The following XPO4 variants were observed in gnomAD, a reference collection of about 807,000 sequenced individuals.
The protein encoded by XPO4 is exportin 4, also known as exportin-4.
A neutral mutation model predicts 143.0 loss-of-function variants in XPO4; 39 were observed. The ratio of observed to expected loss-of-function variants is 0.27; its 90% CI spans 0.21 to 0.36. The LOEUF is 0.36. Among genes scored for constraint, XPO4 ranks in the 10% least tolerant of loss-of-function variants. The pLI is 1.00. For missense variants in XPO4, 907 were observed against 1,348.0 expected (o/e 0.67, Z 5.12); for synonymous variants, 439 against 474.0 (o/e 0.93, Z 0.96).
intron 16 of XPO4, among the ~76,000 whole-genome samples, chr13:20,798,373 T>C (rs920470165): frequency 1.3e-5 from 2 of 152,164 alleles, no homozygotes; most frequent in South Asian, 2.1e-4. Flanking sequence ...TTTTCCCTCA[T>C]AGCCTTCAGA....
intron 1 of XPO4, among the ~76,000 whole-genome samples, chr13:20,879,634 TCAGA>T (rs372792300): frequency 3.9e-5 from 6 of 152,122 alleles, no homozygotes; most frequent in African/African-American, 1.4e-4. Flanking sequence ...AATTAAAGAA[TCAGA>T]CAAACGAAAC....
rs118186866 is a variant in XPO4, at chr13:20,845,155, G to C, written c.457-1269C>G. Among the ~76,000 whole-genome samples the C allele has an allele frequency of 4.4e-3, 673 of 152,366 alleles. 4 individuals carry two copies. The highest frequency in any genetic ancestry group is 7.4e-3 in the Non-Finnish European group (503 of 68,036). On this transcript the variant is annotated intron_variant, in intron 4 of 22. Transcript: ENST00000255305. ...CCACTACACTCCAGCCTGGGCAACA[G>C]AGTAAGACTAAGTCTCAAAGAAAAA...
chr13:20,824,730 C>T lies in XPO4; in HGVS notation c.840+2337G>A, dbSNP rs145282560. Among the ~76,000 whole-genome samples, 120 of 152,018 alleles carry T rather than the reference C, an allele frequency of 7.9e-4. 1 individual carries two copies. The highest frequency in any genetic ancestry group is 2.9e-3 in the African/African-American group (119 of 41,476). On this transcript the variant is annotated intron_variant, in intron 7 of 22. Transcript: ENST00000255305. ...TCACCACCTGAATATGGAAAAGGGA[C>T]AGAGGGATAAGGGAAAGCAAAGCCC...
At chr13:20,901,921 C>T (rs1204279470) in intron 1 of XPO4, among the ~76,000 whole-genome samples, 1 of 152,250 alleles carries the variant, frequency 6.6e-6, no homozygotes, top group Admixed American at 6.5e-5. Flanking sequence ...CCTTACTTCT[C>T]CTCCTTGCAT....
At chr13:20,890,172 G>A (rs926133417) in intron 1 of XPO4, among the ~76,000 whole-genome samples, 1 of 152,188 alleles carries the variant, frequency 6.6e-6, no homozygotes, top group Non-Finnish European at 1.5e-5. Flanking sequence ...TCAGGAGCTG[G>A]GCACGGTGGC....
chr13:20,787,813 G>A (rs2059226127), intron 20 of XPO4, among the ~76,000 whole-genome samples: 1 of 152,126 alleles, frequency 6.6e-6, no homozygotes, highest in Non-Finnish European at 1.5e-5. Context: ...TGAGCCTGGT[G>A]ATGTATAGCT....
rs1272577863 is a variant in XPO4 at position 20,783,120 on chromosome 13, T to G, written c.*602A>C. 6.6e-6 allele frequency: 1 copy of G among 152,244 alleles called. No homozygotes were observed. The highest frequency in any genetic ancestry group is 1.5e-5 in the Non-Finnish European group (1 of 68,062). The allele number at this position is 152,244 out of a possible 1,614,324, so 9.4% of individuals were successfully genotyped here. A position where few individuals can be genotyped will look rare whatever the true frequency, so the allele number is the denominator to read the frequency against. On this transcript the variant is annotated 3_prime_UTR_variant, in exon 23 of 23. Transcript: ENST00000255305. ...CCCAATCATCAAAGGGAGGAAAAGC[T>G]AGAAAGCACAAAACCTCTTAAGAGT...
In XPO4 at chr13:20,892,036, G is replaced by GTT. The variant is rs201710562; in HGVS notation, c.69+10632_69+10633dup. On this transcript the variant is annotated intron_variant, in intron 1 of 22. Transcript: ENST00000255305. ...GACAAGTTTTTTTTTGTTTTGTTTT[G>GTT]TTTTTTTTTTTCGAGATGGAGTTTT... 2.0e-4 allele frequency among the ~76,000 whole-genome samples: 29 copies of GTT among 145,116 alleles called. No homozygotes were observed. The South Asian group carries it at 2.6e-3, about 13-fold the overall frequency.
rs2060061196 is a variant in XPO4, at chr13:20,849,385, A to C, written c.457-5499T>G. ...AAAGGAGACTTAAATGCTAAATTAA[A>C]CAGCTTTAAAGTGATTTAACGTATG... On this transcript the variant is annotated intron_variant, in intron 4 of 22. Coordinates refer to ENST00000255305, the MANE Select transcript of XPO4 (RefSeq NM_022459.5). The C allele has an allele frequency of 3.0e-6, 3 of 985,118 alleles. No individual in the cohort carries two copies. In the Admixed American group the frequency reaches 1.8e-4, roughly 61 times the overall value. 61.0% of individuals were successfully genotyped at this position (985,118 alleles called of 1,614,324 possible).
At chr13:20,855,461 G>GAAAAAAAAAAAAAAAAAAAAA (rs66665772) in intron 4 of XPO4, among the ~76,000 whole-genome samples, 166 bp downstream of exon 4, 1 of 122,598 alleles carries the variant, frequency 8.2e-6, no homozygotes, top group African/African-American at 2.9e-5. Context: ...TGTCACAAGG[G>GAAAAAAAAAAAAAAAAAAAAA]AAAAAAAAAA....
chr13:20,800,861 A>G lies in XPO4; in HGVS notation c.1947T>C (p.Tyr649=), dbSNP rs761196199. The G allele has an allele frequency of 4.3e-6, 7 of 1,613,958 alleles. No homozygotes were observed. The highest frequency in any genetic ancestry group is 2.2e-5 in the East Asian group (1 of 44,846). Residue 649 remains tyrosine (Y), a synonymous_variant, in exon 14 of 23, where the codon TAT becomes TAC. Coordinates refer to ENST00000255305, the MANE Select transcript of XPO4 (RefSeq NM_022459.5). ...CATACAGTTTTTCATCCACCAGGAG[A>G]TAAGTCTTTGCCCAGCGTTTTAAAA... ...VWFLKRWAKT[Y]LLVDEKLYDQ... is the part of the protein sequence containing the mutation.
intron 18 of XPO4, 53 bp from the exon 19 acceptor site, chr13:20,790,633 A>C (rs2059268047): frequency 7.2e-7 from 1 of 1,389,070 alleles, no homozygotes; most frequent in Non-Finnish European, 1.0e-6. Flanking sequence ...TAAATCTTCC[A>C]AGTGTGTATT....
intron 9 of XPO4, among the ~76,000 whole-genome samples, chr13:20,819,987 T>C (rs997871499): frequency 6.6e-6 from 1 of 152,228 alleles, no homozygotes; most frequent in Non-Finnish European, 1.5e-5. Flanking sequence ...ACCTGGTTTC[T>C]ACGACTAATG....
Position 20,787,468 on chromosome 13 carries a change from A to G in XPO4, c.3165+13T>C. On this transcript the variant is annotated intron_variant, in intron 21 of 22. Coordinates refer to ENST00000255305, the MANE Select transcript of XPO4 (RefSeq NM_022459.5). ...AGTAGCTGATTTTCTGACCTACCGCACAGACATCTTACCTTAAGAAAGTGC... is the reference window on the plus strand; with the variant it reads ...AGTAGCTGATTTTCTGACCTACCGCGCAGACATCTTACCTTAAGAAAGTGC... 6.2e-7 allele frequency: 1 copy of G among 1,611,166 alleles called. No individual in the cohort carries two copies. Among genetic ancestry groups the G allele is most frequent in the Non-Finnish European group, 8.5e-7 (1 of 1,177,242 alleles).
chr13:20,806,196 T>C (rs2059501184), intron 13 of XPO4, among the ~76,000 whole-genome samples: 1 of 152,200 alleles, frequency 6.6e-6, no homozygotes. Flanking sequence ...AAGGTAATCC[T>C]AAAATGAATA....
At chr13:20,895,871 C>T (rs1267979026) in intron 1 of XPO4, among the ~76,000 whole-genome samples, 2 of 151,902 alleles carry the variant, frequency 1.3e-5, no homozygotes, top group African/African-American at 4.8e-5. Flanking sequence ...ATAAAGAATA[C>T]CAGTATATTA....
At chr13:20,814,659 G>A (rs1427163830) in intron 9 of XPO4, among the ~76,000 whole-genome samples, 1 of 152,248 alleles carries the variant, frequency 6.6e-6, no homozygotes, top group Non-Finnish European at 1.5e-5. Context: ...AGCAGCACGT[G>A]CACAGAGATG....
intron 1 of XPO4, among the ~76,000 whole-genome samples, chr13:20,886,437 C>T (rs1168799372): frequency 6.6e-6 from 1 of 151,638 alleles, no homozygotes; most frequent in African/African-American, 2.4e-5. Context: ...TATGGTAAAA[C>T]CCTGTCTCTA....
chr13:20,789,751 CGT>C (rs144658326), intron 19 of XPO4, among the ~76,000 whole-genome samples: 8 of 151,918 alleles, frequency 5.3e-5, no homozygotes, highest in Non-Finnish European at 7.4e-5. Context: ...GTCTTTATCT[CGT>C]GTGTGTGTGC....
Sources: gnomAD v4.1 joint callset for allele counts (sites outside exome capture counted in the v4.1 genomes callset) on GRCh38, gnomAD v4.1.1 for gene constraint, MANE v1.5 for transcripts, NCBI Gene and HGNC (gene_info 2026-07-23, HGNC 2026-07-21) for gene names.